ANO1: variants seen among roughly 807,000 people sequenced by gnomAD.
The protein encoded by ANO1 is anoctamin 1.
A neutral mutation model predicts 124.0 loss-of-function variants in ANO1; 59 were observed. The ratio of observed to expected loss-of-function variants is 0.48; its 90% CI spans 0.39 to 0.59. The LOEUF (loss-of-function observed/expected upper bound fraction) is 0.59. Among genes scored for constraint, ANO1 ranks in the 20% least tolerant of loss-of-function variants. ANO1 has a pLI of 0.00. For missense variants in ANO1, 1,059 were observed against 1,328.0 expected (o/e 0.80, Z 3.15); for synonymous variants, 529 against 532.0 (o/e 0.99, Z 0.08).
chr11:70,042,186 A>C (rs373930527), intron 1 of ANO1, among the ~76,000 whole-genome samples: 31 of 152,300 alleles, frequency 2.0e-4, no homozygotes, highest in African/African-American at 7.2e-4. Flanking sequence ...CCCCAGCCTT[A>C]AGCAACAAAC....
chr11:70,102,972 G>A (rs2045335868), intron 2 of ANO1, 94 bp from the exon 3 acceptor site: 1 of 848,120 alleles, frequency 1.2e-6, no homozygotes, highest in Non-Finnish European at 1.9e-6. Flanking sequence ...CACAGTAGCT[G>A]CTCGATAAAT....
chr11:70,156,559 G>A (rs1174625932), intron 15 of ANO1, among the ~76,000 whole-genome samples: 1 of 152,152 alleles, frequency 6.6e-6, no homozygotes, highest in Non-Finnish European at 1.5e-5. Context: ...GTGGCACTGG[G>A]AAAACATCTT....
At chr11:69,996,258 C>T (rs559568506) in intron 1 of ANO1, among the ~76,000 whole-genome samples, 1 of 152,186 alleles carries the variant, frequency 6.6e-6, no homozygotes, top group Non-Finnish European at 1.5e-5. Flanking sequence ...TGGGATCCTC[C>T]TTAACTAGTA....
At chr11:70,151,323 A>G (rs560018008) in intron 12 of ANO1, among the ~76,000 whole-genome samples, 15 of 152,266 alleles carry the variant, frequency 9.9e-5, no homozygotes, top group African/African-American at 3.4e-4. Flanking sequence ...ACAAATGACC[A>G]GACAGAGATC....
At chr11:70,050,072 C>G (rs1328948055) in intron 1 of ANO1, among the ~76,000 whole-genome samples, 3 of 152,186 alleles carry the variant, frequency 2.0e-5, no homozygotes, top group African/African-American at 7.2e-5. Context: ...TTAGGAATGA[C>G]TCTTCCATCC....
intron 5 of ANO1, among the ~76,000 whole-genome samples, chr11:70,107,267 T>C (rs944699957): frequency 6.6e-6 from 1 of 151,496 alleles, no homozygotes; most frequent in African/African-American, 2.4e-5. Flanking sequence ...ATCCGGCAGG[T>C]GGGGAGAGGC....
At chr11:70,015,527 T>C (rs1856689217) in intron 1 of ANO1, 1 of 152,458 alleles carries the variant, frequency 6.6e-6, no homozygotes, top group Admixed American at 6.5e-5. Context: ...TCTTGATGTG[T>C]CTGAGGGTGG....
chr11:70,129,920 C>T (rs2046677361), intron 10 of ANO1, among the ~76,000 whole-genome samples: 1 of 152,150 alleles, frequency 6.6e-6, no homozygotes, highest in African/African-American at 2.4e-5. Flanking sequence ...CGTGCCTGGC[C>T]CTACACCACT....
upstream of ANO1, among the ~76,000 whole-genome samples, chr11:69,983,879 A>C (rs574647885): frequency 5.1e-4 from 77 of 152,360 alleles, no homozygotes; most frequent in Admixed American, 1.0e-3. Context: ...ACATCTATTA[A>C]TGGCTGTTTA....
At chr11:70,141,101 T>C (rs1454380581) in intron 11 of ANO1, among the ~76,000 whole-genome samples, 2 of 152,204 alleles carry the variant, frequency 1.3e-5, no homozygotes, top group Non-Finnish European at 2.9e-5. Context: ...GCACGTGCCC[T>C]GGTCCCACCT....
intron 2 of ANO1, among the ~76,000 whole-genome samples, chr11:70,094,030 GGAGTGGTGGGT>G: frequency 6.6e-6 from 1 of 152,288 alleles, no homozygotes; most frequent in Non-Finnish European, 1.5e-5. Context: ...CCTTCCTTGT[GGAGTGGTGGGT>G]GAGGGTCAAG....
chr11:70,141,876 A>T (rs1272675557), intron 11 of ANO1, among the ~76,000 whole-genome samples: 1 of 151,794 alleles, frequency 6.6e-6, no homozygotes, highest in Non-Finnish European at 1.5e-5. Context: ...AGAGACAGAA[A>T]CCTGTTACTG....
At chr11:70,093,729 C>T (rs374457140) in intron 2 of ANO1, among the ~76,000 whole-genome samples, 3 of 152,228 alleles carry the variant, frequency 2.0e-5, no homozygotes, top group East Asian at 1.9e-4. Flanking sequence ...GGGCTGTCCC[C>T]GCAGCAGCAT....
At chr11:70,047,077 T>C (rs1857271589) in intron 1 of ANO1, among the ~76,000 whole-genome samples, 1 of 66,418 alleles carries the variant, frequency 1.5e-5, no homozygotes, top group African/African-American at 7.0e-5. Flanking sequence ...CGAGACTCTG[T>C]CTCAAAAAAA....
intron 1 of ANO1, among the ~76,000 whole-genome samples, chr11:70,022,666 A>G (rs1057394580): frequency 6.6e-6 from 1 of 151,686 alleles, no homozygotes. Flanking sequence ...AGCCTCACCT[A>G]GCTTGCTTTC....
chr11:70,095,423 A>G (rs868214590), intron 2 of ANO1, among the ~76,000 whole-genome samples: 1 of 20,744 alleles, frequency 4.8e-5, no homozygotes, highest in Admixed American at 6.2e-4. Flanking sequence ...AGAAAGAAAG[A>G]AAGAAAAGAA....
At chr11:70,168,624 C>G (rs182673849) in intron 21 of ANO1, among the ~76,000 whole-genome samples, 1 of 152,102 alleles carries the variant, frequency 6.6e-6, no homozygotes, top group East Asian at 1.9e-4. Flanking sequence ...GTCAGGAAGA[C>G]TCCTGCAGAG....
chr11:70,023,547 C>T (rs531808615), intron 1 of ANO1, among the ~76,000 whole-genome samples: 83 of 152,154 alleles, frequency 5.5e-4, no homozygotes, highest in Non-Finnish European at 8.8e-4. Flanking sequence ...GGGTGAGATT[C>T]GGCCCAGTAC....
chr11:70,092,297 G>C (rs1430947764), intron 2 of ANO1, among the ~76,000 whole-genome samples: 1 of 152,208 alleles, frequency 6.6e-6, no homozygotes, highest in African/African-American at 2.4e-5. Context: ...AGATCACATT[G>C]ATAAGTGCCA....
Sources: allele counts gnomAD v4.1 joint callset (sites outside exome capture counted in the v4.1 genomes callset), GRCh38; gene constraint gnomAD v4.1.1; transcripts MANE v1.5; gene names NCBI Gene and HGNC (gene_info 2026-07-23, HGNC 2026-07-21).